SLC19A1: variants seen among roughly 807,000 people sequenced by gnomAD.
SLC19A1 encodes solute carrier family 19 member 1.
A neutral mutation model predicts 35.3 loss-of-function variants in SLC19A1; 37 were observed. That is an observed-to-expected ratio of 1.05 (90% CI 0.81 to 1.38). SLC19A1 has a LOEUF of 1.38. Ranked by LOEUF, SLC19A1 falls within the 40% of genes most tolerant of loss-of-function variation. The pLI is 0.00. For synonymous variants in SLC19A1, 460 were observed against 398.5 expected (o/e 1.15, Z -1.84); for missense variants, 831 against 826.9 (o/e 1.00, Z -0.06).
intron 1 of SLC19A1, among the ~76,000 whole-genome samples, chr21:45,552,739 C>T (rs543748940): frequency 6.6e-6 from 1 of 152,224 alleles, no homozygotes; most frequent in African/African-American, 2.4e-5. Flanking sequence ...GTCCCAGACC[C>T]CTAATGCGGA....
At chr21:45,548,560 A>C (rs1363158313), upstream of SLC19A1, among the ~76,000 whole-genome samples, 1 of 152,150 alleles carries the variant, frequency 6.6e-6, no homozygotes, top group South Asian at 2.1e-4. Context: ...CCTGGCCAAC[A>C]TGGTGAAACC....
intron 3 of SLC19A1, chr21:45,507,057 C>T (rs1046695594): frequency 2.4e-5 from 8 of 326,656 alleles, no homozygotes; most frequent in Non-Finnish European, 4.3e-5. Context: ...CTAGCAAACG[C>T]GTGCTGGGAG....
downstream of SLC19A1, chr21:45,511,306 C>T (rs1367709793): frequency 9.3e-6 from 7 of 755,918 alleles, no homozygotes; most frequent in Admixed American, 1.2e-4. Flanking sequence ...TCTGCAGTTT[C>T]CCCCCGAGTT....
intron 5 of SLC19A1, among the ~76,000 whole-genome samples, chr21:45,524,115 G>T (rs995807408): frequency 1.3e-5 from 2 of 150,824 alleles, no homozygotes; most frequent in Non-Finnish European, 3.0e-5. Flanking sequence ...TTCACCCCTG[G>T]GCCTCGGAGA....
rs1485195007 is a variant in SLC19A1, at chr21:45,534,600, GC to G, written c.190-2453del. ...CCAGGAGCTGGCTCTGCAGGCTGGGGCCTCATCAGGCACCTCCTGGTCTTAG... is the reference window on the plus strand; with the variant it reads ...CCAGGAGCTGGCTCTGCAGGCTGGGGCTCATCAGGCACCTCCTGGTCTTAG... On this transcript the variant is annotated intron_variant, in intron 2 of 5. Coordinates refer to ENST00000311124, the MANE Select transcript of SLC19A1 (RefSeq NM_194255.4). This position sits in a 1 kb window ranked among gnomAD's most constrained non-coding sequence, Gnocchi z 4.2. 3.9e-6 allele frequency: 6 copies of G among 1,535,526 alleles called. No homozygotes were observed. The highest frequency in any genetic ancestry group is 5.2e-6 in the Non-Finnish European group (6 of 1,146,840).
chr21:45,544,945 A>C (rs764604406), upstream of SLC19A1, among the ~76,000 whole-genome samples: 32 of 152,160 alleles, frequency 2.1e-4, no homozygotes, highest in Non-Finnish European at 3.5e-4. Flanking sequence ...GGCTGGAGAG[A>C]CGCAGGGCTG....
At chr21:45,538,683 G>A (rs1291972727) in intron 1 of SLC19A1, among the ~76,000 whole-genome samples, 1 of 152,192 alleles carries the variant, frequency 6.6e-6, no homozygotes, top group Non-Finnish European at 1.5e-5. Context: ...TGAAACACGC[G>A]TGGGAGGGAG....
intron 4 of SLC19A1, among the ~76,000 whole-genome samples, chr21:45,529,197 C>T (rs924063645): frequency 1.1e-4 from 17 of 152,160 alleles, no homozygotes; most frequent in African/African-American, 4.1e-4. Context: ...AAGGGTGGGC[C>T]GGGCTGCCCA....
At position 45,530,783 on chromosome 21, in the gene SLC19A1, C is replaced by A. The variant is rs759889380; in HGVS notation, c.1138G>T (p.Val380Leu). Reference sequence around the variant, plus strand: ...TCTGGAACTCACGTGGCGATGGGCACGAGGAACTGGTAGGAGCCGCGGAAC... The same window carrying A: ...TCTGGAACTCACGTGGCGATGGGCAAGAGGAACTGGTAGGAGCCGCGGAAC... ...VLFRGSYQFLVPIATFQIASS... is the reference protein window; with the variant it reads ...VLFRGSYQFLLPIATFQIASS... Residue 380 changes from valine (V) to leucine (L), a missense_variant, in exon 4 of 6, where the codon GTG becomes TTG. By Grantham distance (32) the Val-to-Leu change is conservative. Transcript: ENST00000311124. This position sits in a 1 kb window ranked among gnomAD's most constrained non-coding sequence, Gnocchi z 5.3. The A allele has an allele frequency of 6.4e-7, 1 of 1,561,462 alleles. No homozygotes were observed. The highest frequency in any genetic ancestry group is 8.7e-7 in the Non-Finnish European group (1 of 1,153,020).
rs150814053 is a variant in SLC19A1, at chr21:45,523,921, G to A, written c.1293+1896C>T. On this transcript the variant is annotated intron_variant, in intron 5 of 5. Transcript: ENST00000311124. ...CCAGCTGGACTGCTGCCAGCACCCC[G>A]CCCTGGGGCCATGCATTCAACAGAA... Among the ~76,000 whole-genome samples the A allele has an allele frequency of 8.9e-3, 1,355 of 152,284 alleles. 10 individuals carry two copies. The highest frequency in any genetic ancestry group is 0.014 in the Non-Finnish European group (960 of 67,994).
chr21:45,546,538 T>C (rs559565898), upstream of SLC19A1, among the ~76,000 whole-genome samples: 1 of 152,232 alleles, frequency 6.6e-6, no homozygotes, highest in African/African-American at 2.4e-5. Flanking sequence ...TGAATCCCGA[T>C]GCCCCCAAGT....
In SLC19A1 at chr21:45,517,476, T is replaced by TCA. The variant is rs1422805452; in HGVS notation, c.1294-1338_1294-1337dup. Among the ~76,000 whole-genome samples, 3 of 151,780 alleles carry TCA rather than the reference T, an allele frequency of 2.0e-5. No homozygotes were observed. Among genetic ancestry groups the TCA allele is most frequent in the African/African-American group, 7.3e-5 (3 of 41,246 alleles). Reference sequence around the variant, plus strand: ...CACTGGTTGGTAAAGACACCCACCCTCACCCCCAAGGAGTCAGCAGAGACC... The same window carrying TCA: ...CACTGGTTGGTAAAGACACCCACCCTCACACCCCCAAGGAGTCAGCAGAGACC... On this transcript the variant is annotated intron_variant, in intron 5 of 5. Transcript: ENST00000311124. This position sits in a 1 kb window ranked among gnomAD's most constrained non-coding sequence, Gnocchi z 4.4.
At chr21:45,525,056 C>T (rs1397632458) in intron 5 of SLC19A1, among the ~76,000 whole-genome samples, 2 of 152,204 alleles carry the variant, frequency 1.3e-5, no homozygotes, top group East Asian at 3.8e-4. Context: ...ATTTGTGAGC[C>T]GAAGGGGATG....
chr21:45,546,238 C>T (rs923887519), upstream of SLC19A1, among the ~76,000 whole-genome samples: 2 of 152,244 alleles, frequency 1.3e-5, no homozygotes, highest in Non-Finnish European at 2.9e-5. Context: ...GGCAGCTGAG[C>T]GGAGAAGCAA....
At chr21:45,506,562 G>A (rs984431331) in intron 3 of SLC19A1, 6 of 190,062 alleles carry the variant, frequency 3.2e-5, no homozygotes, top group Non-Finnish European at 3.4e-5. Flanking sequence ...AGGTGGGTGC[G>A]GCCATGCTTG....
chr21:45,505,695 C>G, intron 3 of SLC19A1: 2 of 726,994 alleles, frequency 2.8e-6, no homozygotes, highest in Non-Finnish European at 4.7e-6. Context: ...CCCCATGGTG[C>G]TCATGGGGGC....
chr21:45,550,780 C>G (rs1320900817), intron 1 of SLC19A1, among the ~76,000 whole-genome samples: 1 of 152,166 alleles, frequency 6.6e-6, no homozygotes, highest in African/African-American at 2.4e-5. Flanking sequence ...GTGCAGTCTG[C>G]AGACCCCTCT....
In SLC19A1 at chr21:45,538,009, C is replaced by A. The variant is rs1467915553; in HGVS notation, c.-49-1G>T. ...GGAGGGGACGAAGGTGACGCTGTGC[C>A]TGGAAGGAGGGGTGGAGTCAGGGCA... is the stretch of plus-strand genomic sequence containing the variant. On this transcript the variant is annotated splice_acceptor_variant, in intron 1 of 5. Coordinates refer to ENST00000311124, the MANE Select transcript of SLC19A1 (RefSeq NM_194255.4). LOFTEE classifies it low-confidence loss of function (5UTR_SPLICE). The A allele has an allele frequency of 1.4e-6, 2 of 1,411,658 alleles. No individual in the cohort carries two copies. The highest frequency in any genetic ancestry group is 1.9e-6 in the Non-Finnish European group (2 of 1,069,254). 87.4% of individuals were successfully genotyped at this position (1,411,658 alleles called of 1,614,324 possible).
At chr21:45,509,990 GGGGTGGTGCGCCCGGGGCCT>G, downstream of SLC19A1, 2 of 1,491,316 alleles carry the variant, frequency 1.3e-6, no homozygotes, top group Non-Finnish European at 1.8e-6. Context: ...GTGCGGGGCC[GGGGTGGTGCGCCCGGGGCCT>G]GGGTGCAGGG....
Sources: gnomAD v4.1 joint callset for allele counts (sites outside exome capture counted in the v4.1 genomes callset) on GRCh38, gnomAD v4.1.1 for gene constraint, Gnocchi (gnomAD v3.1) non-coding constraint, MANE v1.5 for transcripts, NCBI Gene and HGNC (gene_info 2026-07-23, HGNC 2026-07-21) for gene names.